GLT1D1: variants seen among roughly 807,000 people sequenced by gnomAD.
GLT1D1 encodes glycosyltransferase 1 domain-containing protein 1.
Under a neutral mutation model 28.7 loss-of-function variants are expected in GLT1D1, and 21 were observed. The ratio of observed to expected loss-of-function variants is 0.73; its 90% CI spans 0.52 to 1.05. The LOEUF (loss-of-function observed/expected upper bound fraction) is 1.05. GLT1D1 is among the 50% of genes least tolerant of loss of function. GLT1D1 has a pLI of 0.00. For synonymous variants in GLT1D1, 147 were observed against 124.8 expected (o/e 1.18, Z -1.19); for missense variants, 343 against 330.6 (o/e 1.04, Z -0.29).
intron 3 of GLT1D1, among the ~76,000 whole-genome samples, chr12:128,891,497 C>A (rs1355911389): frequency 6.6e-6 from 1 of 152,168 alleles, no homozygotes; most frequent in East Asian, 1.9e-4. Flanking sequence ...CAAAACAAAG[C>A]AAAACTGGTA....
intron 1 of GLT1D1, among the ~76,000 whole-genome samples, chr12:128,854,230 C>T (rs1462039874): frequency 6.7e-6 from 1 of 150,148 alleles, no homozygotes; most frequent in Non-Finnish European, 1.5e-5. Context: ...GTGTTCTGGT[C>T]GCTGGAACGC....
chr12:128,977,042 A>C (rs2135553883), intron 7 of GLT1D1, among the ~76,000 whole-genome samples: 1 of 152,306 alleles, frequency 6.6e-6, no homozygotes, highest in South Asian at 2.1e-4. Context: ...GCTGCTTGGG[A>C]GGCTGAGGCA....
At chr12:128,898,293 C>T (rs933666132) in intron 3 of GLT1D1, among the ~76,000 whole-genome samples, 2 of 152,114 alleles carry the variant, frequency 1.3e-5, no homozygotes, top group East Asian at 3.9e-4. Flanking sequence ...CTGCCTCAGC[C>T]TCCTGAGTAG....
intron 1 of GLT1D1, among the ~76,000 whole-genome samples, chr12:128,857,632 T>A (rs533960282): frequency 3.5e-4 from 54 of 152,276 alleles, no homozygotes; most frequent in Admixed American, 3.5e-3. Flanking sequence ...GAGGACTGGA[T>A]GTTCTCCTCC....
intron 7 of GLT1D1, among the ~76,000 whole-genome samples, chr12:128,958,751 A>C (rs1440200656): frequency 1.7e-4 from 17 of 97,938 alleles, no homozygotes; most frequent in African/African-American, 5.8e-4. Flanking sequence ...TCTGCCTCAA[A>C]AAAAAAAAAA....
At chr12:128,911,701 G>C (rs1371684790) in intron 4 of GLT1D1, among the ~76,000 whole-genome samples, 1 of 152,092 alleles carries the variant, frequency 6.6e-6, no homozygotes, top group Non-Finnish European at 1.5e-5. Context: ...TCCTGCCACT[G>C]TTTCAAAATG....
At chr12:128,885,347 C>T (rs1024999681) in intron 2 of GLT1D1, among the ~76,000 whole-genome samples, 8 of 152,064 alleles carry the variant, frequency 5.3e-5, no homozygotes, top group Non-Finnish European at 8.8e-5. Flanking sequence ...CTCAGCCTCC[C>T]GAGTAGCTGG....
chr12:128,932,101 C>T (rs912698464), intron 4 of GLT1D1, among the ~76,000 whole-genome samples: 1 of 152,124 alleles, frequency 6.6e-6, no homozygotes, highest in Non-Finnish European at 1.5e-5. Context: ...AGGGAACAGT[C>T]GGGGGCGTGG....
chr12:128,959,103 C>G (rs977477522), intron 7 of GLT1D1, among the ~76,000 whole-genome samples: 1 of 151,764 alleles, frequency 6.6e-6, no homozygotes, highest in African/African-American at 2.4e-5. Flanking sequence ...TCCTGAAGTA[C>G]TGGGATTACA....
intron 4 of GLT1D1, among the ~76,000 whole-genome samples, chr12:128,902,631 T>G (rs1186771321): frequency 1.3e-5 from 2 of 151,728 alleles, no homozygotes; most frequent in African/African-American, 2.4e-5. Flanking sequence ...TTTCTTTTCC[T>G]ACTACCTGTC....
intron 1 of GLT1D1, among the ~76,000 whole-genome samples, chr12:128,872,923 C>T (rs1033829169): frequency 1.8e-4 from 27 of 152,086 alleles, no homozygotes; most frequent in African/African-American, 6.0e-4. Flanking sequence ...GACAGGGTCT[C>T]GCTCTGTTGA....
chr12:128,855,609 C>T (rs912506307), intron 1 of GLT1D1, among the ~76,000 whole-genome samples: 3 of 151,750 alleles, frequency 2.0e-5, no homozygotes, highest in Non-Finnish European at 2.9e-5. Context: ...ATCCAGAACC[C>T]GATAGAGGGT....
intron 7 of GLT1D1, among the ~76,000 whole-genome samples, chr12:128,973,919 GGTGT>G (rs61317527): frequency 9.9e-6 from 1 of 100,922 alleles, no homozygotes; most frequent in African/African-American, 3.5e-5. Context: ...GTGTGTAGGG[GGTGT>G]GTGTGTGTGT....
intron 7 of GLT1D1, among the ~76,000 whole-genome samples, chr12:128,963,961 G>C: frequency 6.6e-6 from 1 of 152,320 alleles, no homozygotes; most frequent in East Asian, 1.9e-4. Context: ...TAGACTGGGG[G>C]CTTAAGCAAC....
At chr12:128,907,247 C>A (rs1471527394) in intron 4 of GLT1D1, among the ~76,000 whole-genome samples, 1 of 151,990 alleles carries the variant, frequency 6.6e-6, no homozygotes, top group Non-Finnish European at 1.5e-5. Context: ...TCTGTGCCAA[C>A]CCTCTCACCT....
chr12:128,935,128 G>C (rs375890109), intron 4 of GLT1D1, among the ~76,000 whole-genome samples: 27 of 152,376 alleles, frequency 1.8e-4, no homozygotes, highest in East Asian at 7.7e-4. Flanking sequence ...GGTGCGGGCT[G>C]TGTGGACTTT....
At chr12:128,903,630 C>A (rs913534655) in intron 4 of GLT1D1, among the ~76,000 whole-genome samples, 1 of 151,830 alleles carries the variant, frequency 6.6e-6, no homozygotes, top group Non-Finnish European at 1.5e-5. Context: ...ACTCGTGCAT[C>A]CCTGGAGAAT....
At chr12:128,964,392 A>C (rs1341150891) in intron 7 of GLT1D1, among the ~76,000 whole-genome samples, 1 of 152,172 alleles carries the variant, frequency 6.6e-6, no homozygotes, top group African/African-American at 2.4e-5. Context: ...TCAAAACAAC[A>C]AAGACACCAA....
intron 4 of GLT1D1, among the ~76,000 whole-genome samples, chr12:128,943,689 G>T (rs1399079490): frequency 6.6e-6 from 1 of 152,150 alleles, no homozygotes; most frequent in East Asian, 1.9e-4. Context: ...TAAACTGAAA[G>T]TATGCTTAAC....
Sources: allele counts gnomAD v4.1 joint callset (sites outside exome capture counted in the v4.1 genomes callset), GRCh38; gene constraint gnomAD v4.1.1; transcripts MANE v1.5; gene names NCBI Gene and HGNC (gene_info 2026-07-23, HGNC 2026-07-21).